The following TOM1 variants were observed in gnomAD, a reference collection of about 807,000 sequenced individuals.
TOM1 encodes target of Myb protein 1.
Under a neutral mutation model 61.3 loss-of-function variants are expected in TOM1, and 38 were observed. The observed-to-expected ratio is 0.62, with a 90% CI of 0.48 to 0.81. The LOEUF is 0.81. Ranked by LOEUF, TOM1 falls within the 40% of genes least tolerant of loss-of-function variation. TOM1 has a pLI of 0.00. For synonymous variants in TOM1, 270 were observed against 268.8 expected, an observed-to-expected ratio of 1.00 and a Z score of -0.04; for missense variants, 591 against 659.6, an observed-to-expected ratio of 0.90 and a Z score of 1.14.
At chr22:35,341,415 C>A (rs1569039638) in intron 12 of TOM1, among the ~76,000 whole-genome samples, 2 of 152,182 alleles carry the variant, frequency 1.3e-5, no homozygotes, top group Non-Finnish European at 2.9e-5. Flanking sequence ...GGCTTCTAAG[C>A]CATGCTGGTA....
At chr22:35,345,398 G>A (rs1930421059) in intron 12 of TOM1, 2 of 424,258 alleles carry the variant, frequency 4.7e-6, no homozygotes, top group Middle Eastern at 6.5e-4. Flanking sequence ...CCTGCCCCAG[G>A]CCATTGCCCA....
intron 6 of TOM1, among the ~76,000 whole-genome samples, chr22:35,325,652 G>A (rs1162918565): frequency 1.3e-5 from 2 of 151,962 alleles, no homozygotes; most frequent in Admixed American, 1.3e-4. Context: ...TTTTTTTTCT[G>A]AGTGGGTTAA....
intron 1 of TOM1, among the ~76,000 whole-genome samples, chr22:35,315,995 G>C (rs1280141624): frequency 6.6e-6 from 1 of 152,270 alleles, no homozygotes; most frequent in Admixed American, 6.5e-5. Flanking sequence ...CGTGAGGAGA[G>C]AGCCTCCCTT....
chr22:35,345,386 C>T, intron 12 of TOM1: 1 of 394,290 alleles, frequency 2.5e-6, no homozygotes. Context: ...TGCAGCATAG[C>T]CCCTGCCCCA....
At chr22:35,335,258 C>T (rs1465631417) in intron 11 of TOM1, among the ~76,000 whole-genome samples, 1 of 152,210 alleles carries the variant, frequency 6.6e-6, no homozygotes, top group Non-Finnish European at 1.5e-5. Flanking sequence ...GATCTTCCCA[C>T]TGACCCCACT....
chr22:35,317,477 C>T lies in TOM1; in HGVS notation c.53-400C>T, dbSNP rs140072090. 3.6e-3 allele frequency among the ~76,000 whole-genome samples: 552 copies of T among 152,256 alleles called. 4 individuals carry two copies. The highest frequency in any genetic ancestry group is 0.013 in the African/African-American group (522 of 41,542). On this transcript the variant is annotated intron_variant, in intron 1 of 14. Coordinates refer to ENST00000449058, the MANE Select transcript of TOM1 (RefSeq NM_005488.3). The stretch of plus-strand genomic sequence containing the variant: ...TGCTGGGATTACAGGCGTGAGCCAC[C>T]GCGCCCAGCTCAAAAGATAATTCTA...
chr22:35,339,574 CTT>C (rs1466196732), intron 12 of TOM1, among the ~76,000 whole-genome samples: 1 of 152,184 alleles, frequency 6.6e-6, no homozygotes, highest in African/African-American at 2.4e-5. Flanking sequence ...TCTCTAGAGA[CTT>C]TTAATCTGCA....
chr22:35,301,769 C>T (rs1925817248), intron 1 of TOM1, among the ~76,000 whole-genome samples: 1 of 150,778 alleles, frequency 6.6e-6, no homozygotes, highest in African/African-American at 2.4e-5. Flanking sequence ...AGCTCCTGAA[C>T]CAGGGAGAGG....
chr22:35,335,061 A>G (rs1460632073), intron 11 of TOM1, among the ~76,000 whole-genome samples: 9 of 152,128 alleles, frequency 5.9e-5, no homozygotes, highest in Admixed American at 5.2e-4. Flanking sequence ...CAGCATAGGC[A>G]CGTGGCCTGA....
chr22:35,299,731 G>T (rs983946482), upstream of TOM1: 1 of 619,316 alleles, frequency 1.6e-6, no homozygotes, highest in South Asian at 2.0e-5. Flanking sequence ...CGCCGAGCAA[G>T]CCGCAGTGAG....
At position 35,334,454 on chromosome 22, in the gene TOM1, T is replaced by C. The variant is rs1929113288; in HGVS notation, c.1148+6T>C. On this transcript the variant is annotated splice_donor_region_variant and intron_variant, in intron 11 of 14. Transcript: ENST00000449058. ...CTGGCTGACCAACGGAAAGAGTGAG[T>C]GGCCTGGCCCTGCCCTGGTCCCCTG... is the stretch of plus-strand genomic sequence containing the variant. 1.2e-6 allele frequency: 2 copies of C among 1,613,612 alleles called. No homozygotes were observed. The highest frequency in any genetic ancestry group is 2.2e-5 in the South Asian group (2 of 91,040).
chr22:35,299,728 C>A, upstream of TOM1: 1 of 613,894 alleles, frequency 1.6e-6, no homozygotes, highest in South Asian at 2.0e-5. Flanking sequence ...CGCCGCCGAG[C>A]AAGCCGCAGT....
intron 1 of TOM1, among the ~76,000 whole-genome samples, chr22:35,312,735 G>A (rs1170202242): frequency 8.5e-5 from 13 of 152,228 alleles, no homozygotes; most frequent in Non-Finnish European, 5.9e-5. Context: ...AATGAGGAAT[G>A]GCATTGCAGA....
Position 35,341,292 on chromosome 22 carries a change from C to T in TOM1, c.1224+2504C>T, listed in dbSNP as rs144111179. ...GTGCCTGGCACACACTACGGTATTA[C>T]GGCACTTACGCTTCGCAGTACCGCC... On this transcript the variant is annotated intron_variant, in intron 12 of 14. Transcript: ENST00000449058. 3.3e-5 allele frequency among the ~76,000 whole-genome samples: 5 copies of T among 152,324 alleles called. 1 individual carries two copies. The highest frequency in any genetic ancestry group is 2.1e-4 in the South Asian group (1 of 4,830).
chr22:35,321,951 C>T lies in TOM1; in HGVS notation c.138-8C>T, dbSNP rs1262541526. ...TCCTAAGCCCACCCTTTTTCTTGTCCTCCTTAGTCCCAAAGATGCCCTCCG... is the reference window on the plus strand; with the variant it reads ...TCCTAAGCCCACCCTTTTTCTTGTCTTCCTTAGTCCCAAAGATGCCCTCCG... On this transcript the variant is annotated splice_polypyrimidine_tract_variant and splice_region_variant and intron_variant, in intron 2 of 14. Coordinates refer to ENST00000449058, the MANE Select transcript of TOM1 (RefSeq NM_005488.3). The T allele has an allele frequency of 1.2e-6, 2 of 1,613,666 alleles. No homozygotes were observed. Among genetic ancestry groups the T allele is most frequent in the East Asian group, 2.2e-5 (1 of 44,886 alleles).
intron 2 of TOM1, among the ~76,000 whole-genome samples, chr22:35,320,436 G>A (rs777439333): frequency 1.3e-5 from 2 of 152,144 alleles, no homozygotes; most frequent in Non-Finnish European, 2.9e-5. Flanking sequence ...GCTTCCAGGG[G>A]CCTCCCAACA....
chr22:35,334,562 A>G, intron 11 of TOM1, 114 bp downstream of exon 11: 1 of 1,321,230 alleles, frequency 7.6e-7, no homozygotes, highest in South Asian at 1.2e-5. Flanking sequence ...CTGCTTAGTA[A>G]GCACGCCCTT....
At chr22:35,325,133 C>T (rs990746941) in intron 6 of TOM1, among the ~76,000 whole-genome samples, 2 of 152,222 alleles carry the variant, frequency 1.3e-5, no homozygotes, top group African/African-American at 2.4e-5. Context: ...GAGACACCCA[C>T]GTTAAAGGTG....
intron 13 of TOM1, 96 bp downstream of exon 13, chr22:35,345,880 T>G (rs1930468156): frequency 7.8e-7 from 1 of 1,284,580 alleles, no homozygotes; most frequent in Non-Finnish European, 1.1e-6. Context: ...ATATAGCATA[T>G]AGCACCCTGA....
Sources: allele counts gnomAD v4.1 joint callset (sites outside exome capture counted in the v4.1 genomes callset), GRCh38; gene constraint gnomAD v4.1.1; transcripts MANE v1.5; gene names NCBI Gene and HGNC (gene_info 2026-07-23, HGNC 2026-07-21).